IARS1: variants seen among roughly 807,000 people sequenced by gnomAD.
The protein encoded by IARS1 is isoleucine--tRNA ligase, cytoplasmic.
In IARS1, 124 loss-of-function variants were observed where a neutral mutation model predicts 168.2. The ratio of observed to expected loss-of-function variants is 0.74; its 90% CI spans 0.64 to 0.86. IARS1 has a LOEUF of 0.86. IARS1 is among the 40% of genes least tolerant of loss of function. The pLI is 0.00. For missense variants in IARS1, 1,452 were observed against 1,515.8 expected (o/e 0.96, Z 0.70); for synonymous variants, 532 against 529.4 (o/e 1.00, Z -0.07).
intron 31 of IARS1, 142 bp downstream of exon 31, chr9:92,228,859 C>T (rs1826170043): frequency 2.4e-6 from 2 of 837,242 alleles, no homozygotes; most frequent in African/African-American, 1.7e-5. Context: ...ACACTGCAGG[C>T]AGGCACTGCT....
rs964302133 is a variant in IARS1 at position 92,292,254 on chromosome 9, G to A, written c.-8+1357C>T. ...GGGTTTTGCCATGTTGCCCTGGCTG[G>A]TCTTCAACTCCTAGGCTAAAGCGAT... On this transcript the variant is annotated intron_variant, in intron 1 of 33. Coordinates refer to ENST00000443024, the MANE Select transcript of IARS1 (RefSeq NM_002161.6). Among the ~76,000 whole-genome samples, 4 of 150,180 alleles carry A rather than the reference G, an allele frequency of 2.7e-5. No homozygotes were observed. The South Asian group carries it at 8.4e-4, about 32-fold the overall frequency.
intron 2 of IARS1, among the ~76,000 whole-genome samples, chr9:92,288,697 G>T (rs1237854857): frequency 6.6e-6 from 1 of 152,056 alleles, no homozygotes; most frequent in Non-Finnish European, 1.5e-5. Context: ...CCTTCTATGG[G>T]GTACTTAGGT....
At chr9:92,274,226 C>G (rs572332415) in intron 10 of IARS1, among the ~76,000 whole-genome samples, 200 bp downstream of exon 10, 2 of 152,190 alleles carry the variant, frequency 1.3e-5, no homozygotes, top group Admixed American at 1.3e-4. Context: ...AAAGAGTTTA[C>G]TGGATTTGGC....
At chr9:92,230,896 G>A (rs1587731044) in intron 30 of IARS1, among the ~76,000 whole-genome samples, 2 of 151,862 alleles carry the variant, frequency 1.3e-5, no homozygotes, top group East Asian at 3.9e-4. Context: ...TATTCCCTTT[G>A]GTAAATGTCT....
intron 8 of IARS1, 87 bp downstream of exon 8, chr9:92,278,112 G>T: frequency 3.6e-6 from 4 of 1,120,336 alleles, no homozygotes; most frequent in Non-Finnish European, 5.4e-6. Flanking sequence ...GCAAGCTTTT[G>T]GATAACAAAG....
intron 10 of IARS1, 60 bp from the exon 11 acceptor site, chr9:92,271,715 G>A (rs1833065844): frequency 6.5e-7 from 1 of 1,546,322 alleles, no homozygotes; most frequent in Non-Finnish European, 8.9e-7. Flanking sequence ...GTGAGCATGA[G>A]GTAATAGATT....
At chr9:92,256,018 C>T (rs1363435755) in intron 20 of IARS1, among the ~76,000 whole-genome samples, 2 of 149,438 alleles carry the variant, frequency 1.3e-5, no homozygotes. Flanking sequence ...CTACTATGTA[C>T]CCATAAAAAA....
chr9:92,259,866 C>T (rs1831267916), intron 18 of IARS1, among the ~76,000 whole-genome samples: 2 of 152,142 alleles, frequency 1.3e-5, no homozygotes, highest in Non-Finnish European at 2.9e-5. Context: ...GGAAGTAAGG[C>T]AGAGGCAATC....
chr9:92,248,493 C>A (rs551995899), intron 25 of IARS1, among the ~76,000 whole-genome samples: 1 of 151,136 alleles, frequency 6.6e-6, no homozygotes, highest in Non-Finnish European at 1.5e-5. Context: ...GGCAACATGG[C>A]AAAACCCCAT....
At chr9:92,257,436 G>A (rs1477791423) in intron 19 of IARS1, among the ~76,000 whole-genome samples, 1 of 152,218 alleles carries the variant, frequency 6.6e-6, no homozygotes, top group African/African-American at 2.4e-5. Context: ...TGGCTGTGGG[G>A]AGCTTTGACC....
intron 5 of IARS1, chr9:92,286,236 G>A (rs1029999991): frequency 5.5e-5 from 16 of 291,840 alleles, no homozygotes; most frequent in Non-Finnish European, 2.6e-5. Flanking sequence ...GCATGGTGGC[G>A]GGCGCCTGTA....
In IARS1 at chr9:92,289,402, T is replaced by C; in HGVS notation, c.18A>G (p.Pro6=). 6.5e-7 allele frequency: 1 copy of C among 1,543,370 alleles called. No individual in the cohort carries two copies. Among genetic ancestry groups the C allele is most frequent in the South Asian group, 1.1e-5 (1 of 88,762 alleles). The part of the protein sequence containing the change: MLQQV[P]ENINFPAEEE... ...CTTCAGCAGGAAAATTTATGTTTTC[T>C]GGAACTTGTTGAAGCATTTTGTTGC... is the stretch of plus-strand genomic sequence containing the variant. Residue 6 remains proline, a synonymous_variant, in exon 2 of 34, where the codon CCA becomes CCG. Transcript: ENST00000443024.
intron 6 of IARS1, among the ~76,000 whole-genome samples, chr9:92,282,612 A>AC (rs1834785500): frequency 6.6e-6 from 1 of 152,052 alleles, no homozygotes; most frequent in Non-Finnish European, 1.5e-5. Context: ...CTCTACAAAG[A>AC]TAAAAAAATT....
chr9:92,240,542 G>C (rs1235309754), intron 30 of IARS1: 9 of 624,946 alleles, frequency 1.4e-5, no homozygotes, highest in Non-Finnish European at 2.6e-5. Context: ...TTACAGGTGT[G>C]AGCTACCATG....
intron 33 of IARS1, among the ~76,000 whole-genome samples, chr9:92,213,215 CT>C (rs755356790): frequency 2.0e-5 from 3 of 151,954 alleles, no homozygotes; most frequent in African/African-American, 7.3e-5. Flanking sequence ...TGGCTTAATG[CT>C]TTTGGCACTA....
rs191584251 is a variant in IARS1 at position 92,223,421 on chromosome 9, G to A, written c.3478C>T (p.Pro1160Ser). Reference protein sequence around the residue: ...KTLCVTAGSAPSLINSSSTLL... With the variant: ...KTLCVTAGSASSLINSSSTLL... ...GTACTAGAACTGTTGATCAGAGAGGGAGCCGATCCTGCAGTCACACAAAGT... is the reference window on the plus strand; with the variant it reads ...GTACTAGAACTGTTGATCAGAGAGGAAGCCGATCCTGCAGTCACACAAAGT... The change falls in exon 32 of 34, where the codon CCC becomes TCC. Residue 1160 changes from proline to serine, a missense_variant. Pro to Ser is a moderately conservative substitution (Grantham distance 74). Coordinates refer to ENST00000443024, the MANE Select transcript of IARS1 (RefSeq NM_002161.6). 2.5e-5 allele frequency: 41 copies of A among 1,613,954 alleles called. No individual in the cohort carries two copies. The highest frequency in any genetic ancestry group is 3.4e-6 in the Non-Finnish European group (4 of 1,179,858).
chr9:92,288,937 G>C (rs1835880356), intron 2 of IARS1, among the ~76,000 whole-genome samples: 3 of 152,152 alleles, frequency 2.0e-5, no homozygotes. Context: ...GGCCGCGCGT[G>C]ATGGCTCACA....
chr9:92,219,879 A>T (rs1398264566), intron 33 of IARS1, among the ~76,000 whole-genome samples: 1 of 151,688 alleles, frequency 6.6e-6, no homozygotes, highest in African/African-American at 2.4e-5. Flanking sequence ...AGGGATCTAG[A>T]ACTGGAAATA....
At chr9:92,246,148 T>C (rs1829165854) in intron 26 of IARS1, among the ~76,000 whole-genome samples, 1 of 152,224 alleles carries the variant, frequency 6.6e-6, no homozygotes, top group African/African-American at 2.4e-5. Context: ...TCGTAACACT[T>C]TGTTATTTTA....
Sources: allele counts gnomAD v4.1 joint callset (sites outside exome capture counted in the v4.1 genomes callset), GRCh38; gene constraint gnomAD v4.1.1; transcripts MANE v1.5; gene names NCBI Gene and HGNC (gene_info 2026-07-23, HGNC 2026-07-21).